Variants in DCC observed in about 807,000 individuals in gnomAD.
The protein encoded by DCC is netrin receptor DCC.
Under a neutral mutation model 172.5 loss-of-function variants are expected in DCC, and 58 were observed. That is an observed-to-expected ratio of 0.34 (90% CI 0.27 to 0.42). DCC has a LOEUF of 0.42. DCC is among the 10% of genes least tolerant of loss of function. The probability of loss-of-function intolerance (pLI) is 1.00; values close to 1 mark genes in which losing one functional copy is unlikely to be tolerated. For synonymous variants in DCC, 709 were observed against 644.5 expected (o/e 1.10, Z -1.52); for missense variants, 1,740 against 1,791.0 (o/e 0.97, Z 0.51).
At chr18:53,096,703 A>G (rs997696651) in intron 7 of DCC, among the ~76,000 whole-genome samples, 1 of 152,138 alleles carries the variant, frequency 6.6e-6, no homozygotes, top group African/African-American at 2.4e-5. Flanking sequence ...TCTACTAGAT[A>G]CCGCTAGGGA....
chr18:53,126,306 G>T (rs1245420429), intron 7 of DCC, among the ~76,000 whole-genome samples: 1 of 152,080 alleles, frequency 6.6e-6, no homozygotes, highest in Non-Finnish European at 1.5e-5. Context: ...TTTTTGAGAA[G>T]GTAGCAAAAC....
chr18:53,391,722 C>T lies in DCC; in HGVS notation c.2523C>T (p.Ser841=), dbSNP rs1463781727. ...DDFPTSVPDL[S]TPMLPPVGVQ... ...TCCCCACCTCGGTCCCAGATCTCTC[C>T]ACCCCCATGCTCCCACCAGTAGGTG... is the stretch of plus-strand genomic sequence containing the variant. Residue 841 remains serine (S), a synonymous_variant, in exon 17 of 29, where the codon TCC becomes TCT. Coordinates refer to ENST00000442544, the MANE Select transcript of DCC (RefSeq NM_005215.4). 2 of 1,614,094 alleles carry T rather than the reference C, an allele frequency of 1.2e-6. No individual in the cohort carries two copies. The highest frequency in any genetic ancestry group is 4.5e-5 in the East Asian group (2 of 44,870).
chr18:53,302,614 G>A (rs974038598), intron 12 of DCC, among the ~76,000 whole-genome samples: 2 of 151,862 alleles, frequency 1.3e-5, no homozygotes, highest in Non-Finnish European at 2.9e-5. Flanking sequence ...TCCTGTTAAG[G>A]AAAACACAAA....
At chr18:52,587,654 A>G (rs2144790014) in intron 1 of DCC, among the ~76,000 whole-genome samples, 1 of 152,332 alleles carries the variant, frequency 6.6e-6, no homozygotes, top group Non-Finnish European at 1.5e-5. Context: ...GTGCACAACC[A>G]GGTGCACTGC....
At chr18:53,002,429 C>T (rs1024675105) in intron 5 of DCC, among the ~76,000 whole-genome samples, 5 of 152,066 alleles carry the variant, frequency 3.3e-5, no homozygotes, top group Admixed American at 6.6e-5. Flanking sequence ...TTCAGCTTGC[C>T]GCCTCTTGTG....
intron 15 of DCC, among the ~76,000 whole-genome samples, chr18:53,370,444 C>T (rs1369883652): frequency 6.6e-6 from 1 of 151,660 alleles, no homozygotes; most frequent in Non-Finnish European, 1.5e-5. Context: ...CTATTTATCT[C>T]TGCTCTAGTC....
intron 22 of DCC, among the ~76,000 whole-genome samples, chr18:53,436,133 C>T (rs1315949947): frequency 6.6e-6 from 1 of 152,136 alleles, no homozygotes; most frequent in East Asian, 1.9e-4. Context: ...GATATAAGTG[C>T]TCTAATTTGA....
intron 2 of DCC, among the ~76,000 whole-genome samples, chr18:52,855,408 G>T (rs776389737): frequency 6.6e-6 from 1 of 152,146 alleles, no homozygotes; most frequent in Non-Finnish European, 1.5e-5. Flanking sequence ...TTAGGTTTCC[G>T]TATAGCTTTA....
chr18:53,208,223 T>A (rs552231686), intron 11 of DCC, among the ~76,000 whole-genome samples: 7 of 151,752 alleles, frequency 4.6e-5, no homozygotes, highest in African/African-American at 1.2e-4. Flanking sequence ...TGCAGTAAGC[T>A]GTGATCGTTC....
chr18:52,555,768 C>T (rs374675150), intron 1 of DCC, among the ~76,000 whole-genome samples: 2 of 151,990 alleles, frequency 1.3e-5, no homozygotes, highest in East Asian at 1.9e-4. Flanking sequence ...CATCTGATTT[C>T]GATTCATTTA....
intron 2 of DCC, among the ~76,000 whole-genome samples, chr18:52,867,096 G>A (rs1260479499): frequency 1.3e-5 from 2 of 152,000 alleles, no homozygotes; most frequent in South Asian, 2.1e-4. Flanking sequence ...TGAAGGGTGT[G>A]GAATTTTATC....
At chr18:53,070,906 C>T (rs1004845150) in intron 7 of DCC, among the ~76,000 whole-genome samples, 1 of 152,174 alleles carries the variant, frequency 6.6e-6, no homozygotes, top group Non-Finnish European at 1.5e-5. Context: ...GCCGCGTGCA[C>T]AGATGGTAGA....
At chr18:53,471,874 C>A (rs745863262) in intron 25 of DCC, among the ~76,000 whole-genome samples, 4 of 152,060 alleles carry the variant, frequency 2.6e-5, no homozygotes, top group Admixed American at 6.6e-5. Flanking sequence ...TAATGCATTA[C>A]ACTATTCTAT....
At chr18:52,395,659 G>C (rs907456970) in intron 1 of DCC, among the ~76,000 whole-genome samples, 1 of 151,924 alleles carries the variant, frequency 6.6e-6, no homozygotes, top group Non-Finnish European at 1.5e-5. Context: ...GATACTTCTC[G>C]GGTTTCTCTA....
At chr18:53,116,373 G>T (rs1384524620) in intron 7 of DCC, among the ~76,000 whole-genome samples, 2 of 151,720 alleles carry the variant, frequency 1.3e-5, no homozygotes. Context: ...AGAGGAAGAA[G>T]TAAAGTGACA....
chr18:53,206,609 A>G lies in DCC; in HGVS notation c.1723-1070A>G, dbSNP rs537053297. On this transcript the variant is annotated intron_variant, in intron 10 of 28. Coordinates refer to ENST00000442544, the MANE Select transcript of DCC (RefSeq NM_005215.4). ...ATCTATATGTATATAATACATATCT[A>G]TGTATAATATATAATACATATATGT... Among the ~76,000 whole-genome samples, 794 of 86,510 alleles carry G rather than the reference A, an allele frequency of 9.2e-3. 3 individuals carry two copies. Among genetic ancestry groups the G allele is most frequent in the Admixed American group, 0.033 (315 of 9,532 alleles). The allele number at this position is 86,510 out of a possible 152,430, so 56.8% of individuals were successfully genotyped here.
chr18:53,428,073 TA>T (rs1337191984), intron 21 of DCC, among the ~76,000 whole-genome samples: 2 of 45,868 alleles, frequency 4.4e-5, no homozygotes, highest in African/African-American at 6.3e-5. Flanking sequence ...ATATATCATA[TA>T]ATATATTATA....
intron 8 of DCC, among the ~76,000 whole-genome samples, chr18:53,163,304 G>T (rs1298233104): frequency 6.6e-6 from 1 of 152,164 alleles, no homozygotes; most frequent in Non-Finnish European, 1.5e-5. Flanking sequence ...TACTGAGGAG[G>T]ATGAATAAGC....
At chr18:52,784,969 T>C (rs183363598) in intron 2 of DCC, among the ~76,000 whole-genome samples, 34 of 150,450 alleles carry the variant, frequency 2.3e-4, no homozygotes, top group Admixed American at 2.2e-3. Context: ...GAGAGACATG[T>C]CCAAAAAAGT....
Sources: gnomAD v4.1 joint callset for allele counts (sites outside exome capture counted in the v4.1 genomes callset) on GRCh38, gnomAD v4.1.1 for gene constraint, MANE v1.5 for transcripts, NCBI Gene and HGNC (gene_info 2026-07-23, HGNC 2026-07-21) for gene names.